Variants in PPARGC1A observed in about 807,000 individuals in gnomAD.
PPARGC1A encodes the protein peroxisome proliferator-activated receptor gamma coactivator 1-alpha.
In PPARGC1A, 25 loss-of-function variants were observed where a neutral mutation model predicts 88.7. That is an observed-to-expected ratio of 0.28 (90% CI 0.21 to 0.39). PPARGC1A has a LOEUF of 0.39. PPARGC1A is among the 10% of genes least tolerant of loss of function. PPARGC1A has a pLI of 1.00. For missense variants in PPARGC1A, 880 were observed against 968.7 expected, an observed-to-expected ratio of 0.91 and a Z score of 1.22; for synonymous variants, 363 against 355.6, an observed-to-expected ratio of 1.02 and a Z score of -0.24.
At chr4:24,321,937 A>G in the PPARGC1A span, among the ~76,000 whole-genome samples, 2 of 152,222 alleles carry the variant, frequency 1.3e-5, no homozygotes, top group East Asian at 3.9e-4. Context: ...CCTCTGACCG[A>G]AGTGCTCAAA....
chr4:24,129,407 T>C, the PPARGC1A span, among the ~76,000 whole-genome samples: 2 of 152,212 alleles, frequency 1.3e-5, no homozygotes, highest in African/African-American at 2.4e-5. Context: ...ACCTAGCAAA[T>C]GGCTCATTAT....
intron 1 of PPARGC1A, among the ~76,000 whole-genome samples, chr4:23,888,433 A>T (rs886496595): frequency 6.6e-6 from 1 of 152,248 alleles, no homozygotes; most frequent in Non-Finnish European, 1.5e-5. Context: ...CATGATGGAA[A>T]AATGAAACTA....
At chr4:24,443,877 G>A in the PPARGC1A span, among the ~76,000 whole-genome samples, 3 of 152,006 alleles carry the variant, frequency 2.0e-5, no homozygotes, top group African/African-American at 7.2e-5. Flanking sequence ...TTTTAAACAA[G>A]GAATTACCAC....
At chr4:24,153,286 A>G in the PPARGC1A span, among the ~76,000 whole-genome samples, 1 of 152,174 alleles carries the variant, frequency 6.6e-6, no homozygotes, top group African/African-American at 2.4e-5. Context: ...CAATTCAATT[A>G]TTTTTGCCAG....
At chr4:24,127,801 C>T in the PPARGC1A span, among the ~76,000 whole-genome samples, 10 of 151,936 alleles carry the variant, frequency 6.6e-5, no homozygotes, top group African/African-American at 1.2e-4. Context: ...ACGGCTAGTA[C>T]ATTAGTACAT....
the PPARGC1A span, among the ~76,000 whole-genome samples, chr4:24,356,521 G>A: frequency 5.5e-4 from 83 of 152,280 alleles, no homozygotes; most frequent in African/African-American, 1.8e-3. Flanking sequence ...TGACTTCAAT[G>A]TGTCGGCCAC....
chr4:24,364,061 C>T, the PPARGC1A span, among the ~76,000 whole-genome samples: 1 of 152,118 alleles, frequency 6.6e-6, no homozygotes, highest in Non-Finnish European at 1.5e-5. Context: ...TAAGCTTGCC[C>T]AAAATCACCC....
At chr4:23,966,333 G>A in the PPARGC1A span, among the ~76,000 whole-genome samples, 1 of 152,286 alleles carries the variant, frequency 6.6e-6, no homozygotes, top group South Asian at 2.1e-4. Flanking sequence ...GTAGCCACTA[G>A]CCACCCCTGT....
the PPARGC1A span, among the ~76,000 whole-genome samples, chr4:24,050,586 C>G: frequency 6.6e-6 from 1 of 152,106 alleles, no homozygotes; most frequent in Non-Finnish European, 1.5e-5. Context: ...AGAGACAGAT[C>G]AAGTGATTGC....
intron 2 of PPARGC1A, among the ~76,000 whole-genome samples, chr4:23,835,006 A>T (rs550214263): frequency 1.4e-3 from 217 of 152,326 alleles, no homozygotes; most frequent in Non-Finnish European, 2.4e-3. Context: ...CTTTCAGTAA[A>T]TTGGGCATTT....
chr4:23,909,805 A>C, the PPARGC1A span, among the ~76,000 whole-genome samples: 1 of 151,802 alleles, frequency 6.6e-6, no homozygotes, highest in Non-Finnish European at 1.5e-5. Context: ...TCTAGTAGAC[A>C]TTTGGTAAAT....
the PPARGC1A span, among the ~76,000 whole-genome samples, chr4:24,348,720 A>G: frequency 6.6e-6 from 1 of 151,634 alleles, no homozygotes; most frequent in East Asian, 1.9e-4. Context: ...TTCTTATATC[A>G]TTTTTTGGAT....
chr4:23,832,612 C>CTTTTT (rs570752359), intron 2 of PPARGC1A, among the ~76,000 whole-genome samples: 1 of 131,834 alleles, frequency 7.6e-6, no homozygotes, highest in Non-Finnish European at 1.6e-5. Flanking sequence ...TTTTCTTTTT[C>CTTTTT]TTTTTTTTTT....
chr4:24,002,692 T>C, the PPARGC1A span, among the ~76,000 whole-genome samples: 1 of 151,882 alleles, frequency 6.6e-6, no homozygotes, highest in Admixed American at 6.6e-5. Flanking sequence ...AGACACAATA[T>C]TGACTTGGCA....
the PPARGC1A span, among the ~76,000 whole-genome samples, chr4:24,048,466 T>C: frequency 6.6e-6 from 1 of 152,222 alleles, no homozygotes; most frequent in Non-Finnish European, 1.5e-5. Flanking sequence ...CTATGATATA[T>C]ATGAGAGCAT....
chr4:23,829,419 T>C, intron 4 of PPARGC1A, 44 bp downstream of exon 4: 1 of 1,600,746 alleles, frequency 6.2e-7, no homozygotes, highest in Non-Finnish European at 8.5e-7. Flanking sequence ...CAAGCCAAAA[T>C]CCTTTGGTAC....
At chr4:24,408,991 A>G in the PPARGC1A span, among the ~76,000 whole-genome samples, 1 of 152,212 alleles carries the variant, frequency 6.6e-6, no homozygotes, top group Non-Finnish European at 1.5e-5. Context: ...GGGATATTCA[A>G]ATTAATCCAG....
the PPARGC1A span, among the ~76,000 whole-genome samples, chr4:23,996,885 C>G: frequency 3.3e-5 from 5 of 152,306 alleles, no homozygotes; most frequent in South Asian, 2.1e-4. Flanking sequence ...TTGCCAACAC[C>G]CAGTCTAGGT....
At chr4:24,243,031 G>T in the PPARGC1A span, among the ~76,000 whole-genome samples, 6 of 152,074 alleles carry the variant, frequency 3.9e-5, no homozygotes, top group Non-Finnish European at 7.4e-5. Context: ...TTTAATTAAG[G>T]TGAATTTCTG....
Sources: gnomAD v4.1 joint callset for allele counts (sites outside exome capture counted in the v4.1 genomes callset) on GRCh38, gnomAD v4.1.1 for gene constraint, MANE v1.5 for transcripts, NCBI Gene and HGNC (gene_info 2026-07-23, HGNC 2026-07-21) for gene names.